RPN2: variants seen among roughly 807,000 people sequenced by gnomAD.
RPN2 encodes the protein dolichyl-diphosphooligosaccharide--protein glycosyltransferase subunit 2.
In RPN2, 29 loss-of-function variants were observed where a neutral mutation model predicts 71.4. The ratio of observed to expected loss-of-function variants is 0.41; its 90% CI spans 0.30 to 0.55. RPN2 has a LOEUF of 0.55. RPN2 is among the 20% of genes least tolerant of loss of function. The probability of loss-of-function intolerance (pLI) is 0.35; values close to 1 mark genes in which losing one functional copy is unlikely to be tolerated. For missense variants in RPN2, 726 were observed against 774.1 expected, an observed-to-expected ratio of 0.94 and a Z score of 0.74; for synonymous variants, 308 against 305.0, an observed-to-expected ratio of 1.01 and a Z score of -0.10.
In RPN2 at chr20:37,204,781, C is replaced by G. The variant is rs745382218; in HGVS notation, c.570C>G (p.Arg190=). 18 of 1,613,960 alleles carry G rather than the reference C, an allele frequency of 1.1e-5. No individual in the cohort carries two copies. Among genetic ancestry groups the G allele is most frequent in the Non-Finnish European group, 1.5e-5 (18 of 1,180,026 alleles). The change falls in exon 6 of 17, where the codon CGC becomes CGG. Residue 190 remains arginine (R), a synonymous_variant. Transcript: ENST00000237530. ...IVEEIEDLVA[R]LDELGGVYLQ... The stretch of plus-strand genomic sequence containing the variant: ...TGTTATGGCAGGACCTTGTTGCTCG[C>G]CTGGATGAACTCGGGGGCGTGTATC...
intron 11 of RPN2, among the ~76,000 whole-genome samples, chr20:37,227,269 G>T (rs2284355): frequency 0.82 from 124,614 of 152,234 alleles, 51,703 homozygotes; most frequent in Middle Eastern, 0.93. Context: ...AGAGAAGAAA[G>T]TAAAAGACTA....
Position 37,204,870 on chromosome 20 carries a change from A to G in RPN2, c.659A>G (p.Asp220Gly), listed in dbSNP as rs1238433981. The G allele has an allele frequency of 6.2e-7, 1 of 1,614,016 alleles. No homozygotes were observed. The highest frequency in any genetic ancestry group is 8.5e-7 in the Non-Finnish European group (1 of 1,180,030). Residue 220 changes from aspartate (D) to glycine (G), a missense_variant, in exon 6 of 17, where the codon GAT becomes GGT. Physicochemically the swap from Asp to Gly is moderately conservative, Grantham distance 94 (BLOSUM62 -1). Coordinates refer to ENST00000237530, the MANE Select transcript of RPN2 (RefSeq NM_002951.5). ...GTGGCTGCCACCTACAAGCTCATGGATCATGTGGGGACTGAGCCATCCATT... is the reference window on the plus strand; with the variant it reads ...GTGGCTGCCACCTACAAGCTCATGGGTCATGTGGGGACTGAGCCATCCATT... Reference protein sequence around the residue: ...LFVAATYKLMDHVGTEPSIKE... With the variant: ...LFVAATYKLMGHVGTEPSIKE...
intron 8 of RPN2, among the ~76,000 whole-genome samples, chr20:37,210,823 T>G (rs2067644767): frequency 6.6e-6 from 1 of 152,100 alleles, no homozygotes; most frequent in African/African-American, 2.4e-5. Flanking sequence ...TGAGCCACTG[T>G]GCCTGGCCTT....
intron 4 of RPN2, chr20:37,200,543 GT>G: frequency 2.0e-6 from 1 of 508,220 alleles, no homozygotes; most frequent in Non-Finnish European, 4.0e-6. Flanking sequence ...TGTTTCCCAG[GT>G]TTTTTTGTTT....
intron 2 of RPN2, among the ~76,000 whole-genome samples, chr20:37,194,021 C>T (rs1356495388): frequency 6.6e-6 from 1 of 152,098 alleles, no homozygotes; most frequent in African/African-American, 2.4e-5. Context: ...GCGGTGGCAT[C>T]CCAGAAGGCT....
At chr20:37,212,337 C>T (rs1016638960) in intron 8 of RPN2, among the ~76,000 whole-genome samples, 1 of 151,986 alleles carries the variant, frequency 6.6e-6, no homozygotes, top group Admixed American at 6.5e-5. Context: ...ACCTGTAGTC[C>T]AGCTACTTGG....
chr20:37,180,694 T>A (rs1479951922), intron 1 of RPN2, among the ~76,000 whole-genome samples: 1 of 152,238 alleles, frequency 6.6e-6, no homozygotes, highest in Non-Finnish European at 1.5e-5. Flanking sequence ...TAGCAGTTTC[T>A]GATAGGCTTT....
chr20:37,191,463 C>T (rs148713464), intron 2 of RPN2, among the ~76,000 whole-genome samples: 66 of 151,736 alleles, frequency 4.3e-4, no homozygotes, highest in African/African-American at 1.5e-3. Flanking sequence ...GGTGACAGAG[C>T]GAGACCCTGT....
chr20:37,181,710 C>T (rs538307999), intron 1 of RPN2, among the ~76,000 whole-genome samples: 7 of 152,178 alleles, frequency 4.6e-5, no homozygotes, highest in African/African-American at 1.7e-4. Context: ...TGAGCCACTG[C>T]GCCTGGCCAT....
intron 2 of RPN2, among the ~76,000 whole-genome samples, chr20:37,195,466 CTAGTT>C (rs1175708739): frequency 6.6e-6 from 1 of 152,206 alleles, no homozygotes; most frequent in Non-Finnish European, 1.5e-5. Flanking sequence ...CCAGGGAATT[CTAGTT>C]CCCCTAGTTA....
intron 9 of RPN2, among the ~76,000 whole-genome samples, chr20:37,222,337 G>A (rs1484579900): frequency 6.6e-6 from 1 of 152,086 alleles, no homozygotes; most frequent in Admixed American, 6.5e-5. Context: ...ATTCATAGGT[G>A]GCTGTGAATT....
At chr20:37,238,624 C>G (rs2068468544) in intron 16 of RPN2, among the ~76,000 whole-genome samples, 1 of 152,140 alleles carries the variant, frequency 6.6e-6, no homozygotes, top group Admixed American at 6.6e-5. Flanking sequence ...TGTGACTGGA[C>G]CAGGGCAAAA....
chr20:37,216,425 A>G (rs114653791), intron 9 of RPN2, among the ~76,000 whole-genome samples: 1,875 of 151,812 alleles, frequency 0.012, 37 homozygotes, highest in African/African-American at 0.044. Flanking sequence ...GTGCTACCCC[A>G]AAGTCAAAAA....
intron 7 of RPN2, among the ~76,000 whole-genome samples, chr20:37,208,865 T>G (rs1387932056): frequency 1.3e-5 from 2 of 152,226 alleles, no homozygotes; most frequent in South Asian, 2.1e-4. Context: ...GTCCCATTAG[T>G]TCTACTTTGG....
chr20:37,232,683 A>G (rs1056651792), intron 14 of RPN2, among the ~76,000 whole-genome samples: 21 of 152,184 alleles, frequency 1.4e-4, no homozygotes, highest in Admixed American at 1.4e-3. Flanking sequence ...GATGAGATCT[A>G]GTGTGAACAG....
rs1292175453 is a variant in RPN2 at position 37,213,936 on chromosome 20, T to A, written c.1092+71T>A. 89 of 1,127,590 alleles carry A rather than the reference T, an allele frequency of 7.9e-5. No individual in the cohort carries two copies. In the East Asian group the frequency reaches 2.0e-3, roughly 25 times the overall value. 69.8% of individuals were successfully genotyped at this position (1,127,590 alleles called of 1,614,324 possible). On this transcript the variant is annotated intron_variant, in intron 9 of 16. Transcript: ENST00000237530. The stretch of plus-strand genomic sequence containing the variant: ...GGATATGGCCAAATTGACACAGTAT[T>A]AATTGTCTGGTGCATTGACTTTTCT...
At chr20:37,187,218 T>TTTATGTTTAATTATA (rs1213606416) in intron 2 of RPN2, among the ~76,000 whole-genome samples, 1 of 60,006 alleles carries the variant, frequency 1.7e-5, no homozygotes, top group Non-Finnish European at 4.3e-5. Context: ...AGATCAATCA[T>TTTATGTTTAATTATA]TTGGCGGGGC....
intron 1 of RPN2, among the ~76,000 whole-genome samples, chr20:37,180,792 C>T (rs182693678): frequency 3.2e-4 from 49 of 152,322 alleles, no homozygotes; most frequent in African/African-American, 1.0e-3. Context: ...CATCTTCTGG[C>T]TTGGATTATG....
At chr20:37,218,403 A>G (rs988648115) in intron 9 of RPN2, among the ~76,000 whole-genome samples, 20 of 151,980 alleles carry the variant, frequency 1.3e-4, no homozygotes, top group African/African-American at 4.6e-4. Context: ...ACAGAGTGAG[A>G]CCTTGTCTCA....
Sources: allele counts gnomAD v4.1 joint callset (sites outside exome capture counted in the v4.1 genomes callset), GRCh38; gene constraint gnomAD v4.1.1; transcripts MANE v1.5; gene names NCBI Gene and HGNC (gene_info 2026-07-23, HGNC 2026-07-21).